Variants in TMEM255B observed in about 807,000 individuals in gnomAD.
The protein encoded by TMEM255B is transmembrane protein 255B.
TMEM255B carries 35 observed loss-of-function variants against 34.5 expected under a neutral mutation model. That is an observed-to-expected ratio of 1.01 (90% confidence interval 0.77 to 1.34). TMEM255B has a LOEUF of 1.34. Ranked by LOEUF, TMEM255B falls within the 40% of genes most tolerant of loss-of-function variation. TMEM255B has a pLI of 0.00. For synonymous variants in TMEM255B, 206 were observed against 201.2 expected (o/e 1.02, Z -0.20); for missense variants, 432 against 433.2 (o/e 1.00, Z 0.02).
Position 113,812,907 on chromosome 13 carries a change from A to AGGTCCTGGGTGGGTCATG in TMEM255B, c.*1006_*1007insTCCTGGGTGGGTCATGGG, listed in dbSNP as rs764747838. ...GGGTCACAGGCCCCGGGTGAGTCAC[A>AGGTCCTGGGTGGGTCATG]GGCCCCGGGTGAGTCACGGGTCCCG... On this transcript the variant is annotated 3_prime_UTR_variant, in exon 9 of 9. Coordinates refer to ENST00000375353, the MANE Select transcript of TMEM255B (RefSeq NM_182614.4). The AGGTCCTGGGTGGGTCATG allele has an allele frequency of 6.6e-6, 1 of 150,928 alleles. No homozygotes were observed. The highest frequency in any genetic ancestry group is 2.8e-5 in the African/African-American group (1 of 36,206). The allele number at this position is 150,928 out of a possible 1,614,324, so 9.3% of individuals were successfully genotyped here.
intron 2 of TMEM255B, among the ~76,000 whole-genome samples, chr13:113,766,724 T>TGGAAGGGGAAA (rs1478399545): frequency 1.3e-5 from 2 of 152,152 alleles, no homozygotes; most frequent in African/African-American, 4.8e-5. Context: ...GAAAGTAACT[T>TGGAAGGGGAAA]TAAACGATTC....
chr13:113,785,529 C>T (rs141672285), intron 3 of TMEM255B, among the ~76,000 whole-genome samples: 10 of 152,336 alleles, frequency 6.6e-5, no homozygotes, highest in African/African-American at 2.2e-4. Context: ...TCTTAGACCA[C>T]TGACAGAGAA....
At chr13:113,805,589 T>C (rs1288184220) in intron 8 of TMEM255B, among the ~76,000 whole-genome samples, 1 of 152,220 alleles carries the variant, frequency 6.6e-6, no homozygotes, top group Non-Finnish European at 1.5e-5. Flanking sequence ...AGCTCTGTGC[T>C]GTGGCCATGG....
At chr13:113,782,298 C>G (rs893717133) in intron 3 of TMEM255B, among the ~76,000 whole-genome samples, 2 of 152,104 alleles carry the variant, frequency 1.3e-5, no homozygotes, top group Non-Finnish European at 2.9e-5. Flanking sequence ...TGCTTTCCTA[C>G]AATATATTTT....
chr13:113,809,257 T>C (rs1392019293), intron 8 of TMEM255B, among the ~76,000 whole-genome samples: 28 of 112,148 alleles, frequency 2.5e-4, no homozygotes, highest in African/African-American at 7.7e-4. Flanking sequence ...GGGTTTACTC[T>C]GTGGTTCCTG....
chr13:113,774,542 A>G (rs1424963464), intron 3 of TMEM255B, among the ~76,000 whole-genome samples: 1 of 150,374 alleles, frequency 6.7e-6, no homozygotes, highest in Non-Finnish European at 1.5e-5. Context: ...AAACACATGC[A>G]TGCCACACAC....
intron 3 of TMEM255B, among the ~76,000 whole-genome samples, chr13:113,780,476 T>C (rs1002889781): frequency 2.0e-5 from 3 of 152,220 alleles, no homozygotes; most frequent in Non-Finnish European, 4.4e-5. Flanking sequence ...TATACTAAAT[T>C]GTTAAAAGCT....
chr13:113,768,165 A>T (rs1181171013), intron 2 of TMEM255B: 1 of 469,026 alleles, frequency 2.1e-6, no homozygotes, highest in South Asian at 1.6e-5. Context: ...CTCACTGGGA[A>T]GTGCGACCGG....
At chr13:113,784,878 G>A (rs547450438) in intron 3 of TMEM255B, among the ~76,000 whole-genome samples, 5 of 152,304 alleles carry the variant, frequency 3.3e-5, no homozygotes, top group East Asian at 1.9e-4. Flanking sequence ...CCTAGGTTTC[G>A]GCACCAAATG....
At chr13:113,791,360 C>T (rs1016675220) in intron 3 of TMEM255B, among the ~76,000 whole-genome samples, 2 of 152,230 alleles carry the variant, frequency 1.3e-5, no homozygotes, top group Admixed American at 6.5e-5. Context: ...ACCTGCCGGC[C>T]GCCGAGCCGG....
intron 1 of TMEM255B, among the ~76,000 whole-genome samples, chr13:113,763,572 CCT>C (rs2140799643): frequency 6.6e-6 from 1 of 152,146 alleles, no homozygotes; most frequent in Admixed American, 6.5e-5. Flanking sequence ...GCATTGTGGT[CCT>C]AATTTAAGAA....
chr13:113,798,112 C>T (rs1211272454), intron 4 of TMEM255B, among the ~76,000 whole-genome samples: 2 of 151,466 alleles, frequency 1.3e-5, no homozygotes, highest in Non-Finnish European at 1.5e-5. Context: ...GGGTGGATGA[C>T]AGGAATGGAT....
chr13:113,811,854 C>T lies in TMEM255B; in HGVS notation c.932C>T (p.Ala311Val), dbSNP rs905321955. The T allele has an allele frequency of 1.2e-6, 2 of 1,613,672 alleles. No individual in the cohort carries two copies. The highest frequency in any genetic ancestry group is 1.3e-5 in the African/African-American group (1 of 74,890). ...GLPGQAPPCY[A>V]PTYFPPGEKP... ...CCCGGCCAGGCTCCACCGTGCTACG[C>T]ACCCACCTACTTTCCCCCGGGGGAG... Residue 311 changes from alanine (A) to valine (V), a missense_variant, in exon 9 of 9, where the codon GCA becomes GTA. Transcript: ENST00000375353.
chr13:113,785,171 C>A (rs1254033068), intron 3 of TMEM255B, among the ~76,000 whole-genome samples: 2 of 139,314 alleles, frequency 1.4e-5, no homozygotes, highest in African/African-American at 5.3e-5. Flanking sequence ...GTTTCTGGGG[C>A]TGGATTTAGG....
At chr13:113,799,831 G>A (rs746984622) in intron 5 of TMEM255B, 13 of 636,326 alleles carry the variant, frequency 2.0e-5, no homozygotes, top group South Asian at 1.2e-4. Flanking sequence ...AGTGAGATGC[G>A]GGGAGTAATG....
chr13:113,810,620 G>A (rs939468332), intron 8 of TMEM255B, among the ~76,000 whole-genome samples: 7 of 152,210 alleles, frequency 4.6e-5, no homozygotes, highest in African/African-American at 1.7e-4. Context: ...TGGAGACCAG[G>A]GAGGGTGACG....
At chr13:113,776,964 G>A (rs548801016) in intron 3 of TMEM255B, among the ~76,000 whole-genome samples, 19 of 152,140 alleles carry the variant, frequency 1.2e-4, no homozygotes, top group Non-Finnish European at 2.5e-4. Context: ...AGGGTCACAG[G>A]TGCTTGGGCT....
At chr13:113,776,729 T>C (rs1286588108) in intron 3 of TMEM255B, among the ~76,000 whole-genome samples, 1 of 152,196 alleles carries the variant, frequency 6.6e-6, no homozygotes, top group African/African-American at 2.4e-5. Context: ...GACCTGGAGC[T>C]TCCCGACACA....
chr13:113,788,690 C>T (rs2050780784), intron 3 of TMEM255B, among the ~76,000 whole-genome samples: 1 of 152,114 alleles, frequency 6.6e-6, no homozygotes, highest in Middle Eastern at 3.2e-3. Context: ...AGCACGGTGT[C>T]ACCGTGTGGC....
Sources: gnomAD v4.1 joint callset for allele counts (sites outside exome capture counted in the v4.1 genomes callset) on GRCh38, gnomAD v4.1.1 for gene constraint, MANE v1.5 for transcripts, NCBI Gene and HGNC (gene_info 2026-07-23, HGNC 2026-07-21) for gene names.